LRP6: variants seen among roughly 807,000 people sequenced by gnomAD.
LRP6 encodes the protein LDL receptor related protein 6.
LRP6 carries 43 observed loss-of-function variants against 184.1 expected under a neutral mutation model. That is an observed-to-expected ratio of 0.23 (90% CI 0.18 to 0.30). The LOEUF (loss-of-function observed/expected upper bound fraction) is 0.30. LRP6 is among the 10% of genes least tolerant of loss of function. LRP6 has a pLI of 1.00. For synonymous variants in LRP6, 719 were observed against 684.9 expected (o/e 1.05, Z -0.78); for missense variants, 1,571 against 2,005.3 (o/e 0.78, Z 4.14).
At chr12:12,124,938 A>C (rs1949653138) in intron 21 of LRP6, among the ~76,000 whole-genome samples, 1 of 152,224 alleles carries the variant, frequency 6.6e-6, no homozygotes, top group Non-Finnish European at 1.5e-5. Flanking sequence ...GTTATTTAAA[A>C]TAGTAAGTAT....
Position 12,149,058 on chromosome 12 carries a change from C to A in LRP6, c.3090G>T (p.Trp1030Cys). ...TAATGACATTGGTAGCCTCACAAGT[C>A]CAGTAGATGTAGCGGCTGTAAATAT... The part of the protein sequence containing the change: ...SIDIYSRYIY[W>C]TCEATNVINV... The change falls in exon 14 of 23, where the codon TGG (tryptophan) becomes TGT (cysteine). Residue 1030 changes from tryptophan to cysteine, a missense_variant. By Grantham distance (215) the Trp-to-Cys change is radical. Coordinates refer to ENST00000261349, the MANE Select transcript of LRP6 (RefSeq NM_002336.3). 6.2e-7 allele frequency: 1 copy of A among 1,613,984 alleles called. No individual in the cohort carries two copies. Among genetic ancestry groups the A allele is most frequent in the South Asian group, 1.1e-5 (1 of 91,060 alleles).
chr12:12,187,538 G>A, intron 3 of LRP6: 1 of 231,094 alleles, frequency 4.3e-6, no homozygotes, highest in Non-Finnish European at 8.7e-6. Flanking sequence ...GGTTACAGTT[G>A]GCACTGAAGT....
chr12:12,121,876 T>A (rs1286638503), intron 22 of LRP6, among the ~76,000 whole-genome samples: 5 of 151,650 alleles, frequency 3.3e-5, no homozygotes, highest in Non-Finnish European at 7.4e-5. Flanking sequence ...ACATCTGAAG[T>A]CTTCATTTCT....
chr12:12,177,965 G>A (rs970942922), intron 7 of LRP6, among the ~76,000 whole-genome samples: 1 of 151,982 alleles, frequency 6.6e-6, no homozygotes, highest in Non-Finnish European at 1.5e-5. Flanking sequence ...TACCATACAG[G>A]GAAGAAGGAA....
chr12:12,125,334 TTGA>T lies in LRP6; in HGVS notation c.4408_4410del (p.Ser1475del), dbSNP rs1237380618. 6.2e-7 allele frequency: 1 copy of T among 1,614,092 alleles called. No homozygotes were observed. The highest frequency in any genetic ancestry group is 1.7e-5 in the Admixed American group (1 of 60,010). On this transcript the variant is annotated inframe_deletion, in exon 21 of 23. Coordinates refer to ENST00000261349, the MANE Select transcript of LRP6 (RefSeq NM_002336.3). ...GTGCCTTTGGTGCTTGAAGAACTAC[TTGA>T]TGATGCTCCTGTAACATGGGCTCGG...
intron 17 of LRP6, among the ~76,000 whole-genome samples, chr12:12,133,758 GT>G (rs1359744879): frequency 5.0e-5 from 7 of 139,282 alleles, no homozygotes; most frequent in Admixed American, 4.9e-4. Flanking sequence ...TTTTATCCAT[GT>G]TATCATTAAC....
In LRP6 at chr12:12,135,276, T is replaced by C; in HGVS notation, c.3632A>G (p.Asn1211Ser). 2 of 1,613,724 alleles carry C rather than the reference T, an allele frequency of 1.2e-6. No individual in the cohort carries two copies. The highest frequency in any genetic ancestry group is 1.3e-5 in the African/African-American group (1 of 74,904). ...AAGACAAATATGTGAACAGCCACCATTATCCTGAGCACAAGGGTGCTGTCC... is the reference window on the plus strand; with the variant it reads ...AAGACAAATATGTGAACAGCCACCACTATCCTGAGCACAAGGGTGCTGTCC... ...EYRQHPCAQD[N>S]GGCSHICLVK... Residue 1211 changes from asparagine (N) to serine (S), a missense_variant, in exon 17 of 23, where the codon AAT becomes AGT. This residue lies in a region of LRP6 where 763 missense variants were observed against 859.5 expected (regional missense o/e 0.89). Coordinates refer to ENST00000261349, the MANE Select transcript of LRP6 (RefSeq NM_002336.3).
intron 1 of LRP6, among the ~76,000 whole-genome samples, chr12:12,246,506 C>G (rs1865187847): frequency 6.6e-6 from 1 of 151,622 alleles, no homozygotes; most frequent in Non-Finnish European, 1.5e-5. Context: ...GCCTTGGCAA[C>G]ACATGGAAAC....
chr12:12,250,596 G>A (rs939937047), intron 1 of LRP6, among the ~76,000 whole-genome samples: 7 of 151,804 alleles, frequency 4.6e-5, no homozygotes, highest in African/African-American at 1.7e-4. Context: ...ACTGCACACA[G>A]AAATATCATA....
chr12:12,138,284 C>T, intron 16 of LRP6, 41 bp downstream of exon 16: 2 of 1,479,796 alleles, frequency 1.4e-6, no homozygotes, highest in Non-Finnish European at 9.5e-7. Context: ...TTTATTATAA[C>T]ACATGATTCC....
chr12:12,236,517 C>T (rs1412816973), intron 2 of LRP6, among the ~76,000 whole-genome samples: 1 of 152,212 alleles, frequency 6.6e-6, no homozygotes, highest in African/African-American at 2.4e-5. Flanking sequence ...AATTCTACAA[C>T]ACCAGCTGGG....
chr12:12,138,730 C>G, intron 15 of LRP6, 196 bp from the exon 16 acceptor site: 1 of 1,437,760 alleles, frequency 7.0e-7, no homozygotes. Flanking sequence ...AATATGCAAT[C>G]AAGAGCAAGT....
intron 2 of LRP6, among the ~76,000 whole-genome samples, chr12:12,239,550 A>G (rs1450101298): frequency 6.6e-6 from 1 of 152,168 alleles, no homozygotes; most frequent in Non-Finnish European, 1.5e-5. Context: ...CCCTCCTTCC[A>G]AAATCTTAAA....
chr12:12,139,101 C>T (rs1302482736), intron 15 of LRP6: 4 of 882,742 alleles, frequency 4.5e-6, no homozygotes, highest in Non-Finnish European at 6.0e-6. Flanking sequence ...GTGTTCATAC[C>T]CCCCACCCTG....
chr12:12,246,569 C>T (rs572019779), intron 1 of LRP6, among the ~76,000 whole-genome samples: 1 of 151,550 alleles, frequency 6.6e-6, no homozygotes, highest in Non-Finnish European at 1.5e-5. Flanking sequence ...TAGTGGTGCA[C>T]GCCTGTAGTC....
intron 3 of LRP6, among the ~76,000 whole-genome samples, chr12:12,189,518 TG>T (rs1863559765): frequency 6.6e-6 from 1 of 152,184 alleles, no homozygotes; most frequent in African/African-American, 2.4e-5. Context: ...ATTTTTTTTT[TG>T]AGACAAAGTC....
chr12:12,129,892 G>A (rs1949724017), intron 19 of LRP6, among the ~76,000 whole-genome samples: 1 of 152,044 alleles, frequency 6.6e-6, no homozygotes, highest in African/African-American at 2.4e-5. Flanking sequence ...TGCCTTCCTT[G>A]ATCAAGTCCA....
Position 12,181,271 on chromosome 12 carries a change from C to G in LRP6, c.1145G>C (p.Arg382Thr). ...GYIYWTDDEVRAIRRSFIDGS... is the reference protein window; with the variant it reads ...GYIYWTDDEVTAIRRSFIDGS... ...ATCTATAAATGAACGGCGTATGGCC[C>G]TCACTTCATCATCAGTCCAGTAGAT... is the stretch of plus-strand genomic sequence containing the variant. Residue 382 changes from arginine (R) to threonine (T), a missense_variant, in exon 6 of 23, where the codon AGG (arginine) becomes ACG (threonine). Arg to Thr is a moderately conservative substitution (Grantham distance 71). Coordinates refer to ENST00000261349, the MANE Select transcript of LRP6 (RefSeq NM_002336.3). The G allele has an allele frequency of 6.2e-7, 1 of 1,614,154 alleles. No individual in the cohort carries two copies. The highest frequency in any genetic ancestry group is 1.1e-5 in the South Asian group (1 of 91,080).
intron 3 of LRP6, among the ~76,000 whole-genome samples, chr12:12,191,161 A>T (rs536888808): frequency 4.7e-4 from 71 of 152,320 alleles, no homozygotes; most frequent in Non-Finnish European, 7.3e-4. Flanking sequence ...GAGTAAGTGA[A>T]TACAATGAAT....
Sources: allele counts gnomAD v4.1 joint callset (sites outside exome capture counted in the v4.1 genomes callset), GRCh38; gene constraint gnomAD v4.1.1; regional missense constraint gnomAD v4.1.1; transcripts MANE v1.5; gene names NCBI Gene and HGNC (gene_info 2026-07-23, HGNC 2026-07-21).